TMPRSS15: variants seen among roughly 807,000 people sequenced by gnomAD.
The protein encoded by TMPRSS15 is transmembrane serine protease 15, also known as enteropeptidase.
A neutral mutation model predicts 125.3 loss-of-function variants in TMPRSS15; 128 were observed. The observed-to-expected ratio is 1.02, with a 90% confidence interval of 0.89 to 1.18. TMPRSS15 has a LOEUF of 1.18. Ranked by LOEUF, TMPRSS15 falls within the 50% of genes most tolerant of loss-of-function variation. TMPRSS15 has a pLI of 0.00. For missense variants in TMPRSS15, 1,283 were observed against 1,212.7 expected (o/e 1.06, Z -0.86); for synonymous variants, 446 against 423.2 (o/e 1.05, Z -0.66).
upstream of TMPRSS15, among the ~76,000 whole-genome samples, chr21:18,406,226 C>T (rs1025168488): frequency 2.6e-5 from 4 of 151,972 alleles, no homozygotes; most frequent in Admixed American, 1.3e-4. Flanking sequence ...ACAGTGGGAA[C>T]GCGTGTCAGA....
At chr21:18,417,148 A>G (rs2076182357) in intron 1 of TMPRSS15, among the ~76,000 whole-genome samples, 1 of 152,148 alleles carries the variant, frequency 6.6e-6, no homozygotes, top group African/African-American at 2.4e-5. Flanking sequence ...TAATTTCAAG[A>G]TTTTGGAGTA....
chr21:18,316,429 G>C (rs1483177231), intron 16 of TMPRSS15, among the ~76,000 whole-genome samples: 1 of 152,204 alleles, frequency 6.6e-6, no homozygotes, highest in Non-Finnish European at 1.5e-5. Context: ...TTGTCTGTTG[G>C]TGAGATCAAA....
rs201846019 is a variant in TMPRSS15 at position 18,275,371 on chromosome 21, A to T, written c.2765-35T>A. ...ATGGAGAATGCAGCCAGCCAGTCAGAAGTGATCAACATGCATCCTTGAATG... is the reference window on the plus strand; with the variant it reads ...ATGGAGAATGCAGCCAGCCAGTCAGTAGTGATCAACATGCATCCTTGAATG... On this transcript the variant is annotated intron_variant, in intron 23 of 24. Coordinates refer to ENST00000284885, the MANE Select transcript of TMPRSS15 (RefSeq NM_002772.3). 4.6e-5 allele frequency: 74 copies of T among 1,612,756 alleles called. No homozygotes were observed. The East Asian group carries it at 1.6e-3, about 35-fold the overall frequency.
chr21:18,271,779 C>A (rs1438283967), intron 24 of TMPRSS15, among the ~76,000 whole-genome samples: 2 of 151,988 alleles, frequency 1.3e-5, no homozygotes, highest in Admixed American at 1.3e-4. Context: ...TGTCCTGTGT[C>A]CATGTGTTCT....
At chr21:18,425,862 C>T (rs1217137456) in intron 1 of TMPRSS15, among the ~76,000 whole-genome samples, 5 of 152,090 alleles carry the variant, frequency 3.3e-5, no homozygotes, top group African/African-American at 9.7e-5. Flanking sequence ...GTAAAAAACC[C>T]TTAATAACCT....
rs531680824 is a variant in TMPRSS15 at position 18,419,265 on chromosome 21, A to G, written c.11-20936T>C. Among the ~76,000 whole-genome samples, 292 of 115,710 alleles carry G rather than the reference A, an allele frequency of 2.5e-3. 4 individuals carry two copies. In the South Asian group the frequency reaches 0.041, roughly 16 times the overall value. 75.9% of individuals were successfully genotyped at this position (115,710 alleles called of 152,430 possible). A position where few individuals can be genotyped will look rare whatever the true frequency, so the allele number is the denominator to read the frequency against. On this transcript the variant is annotated intron_variant, in intron 1 of 7. Coordinates refer to the TMPRSS15 transcript ENST00000422787. The stretch of plus-strand genomic sequence containing the variant: ...TTTTGAGACGGAGTCTCGCTCTGTT[A>G]CCCAGGCTGGAGTGCAGTGGTGCTA...
At chr21:18,318,553 G>A (rs2075198476) in intron 16 of TMPRSS15, among the ~76,000 whole-genome samples, 1 of 152,194 alleles carries the variant, frequency 6.6e-6, no homozygotes. Context: ...CAAGGTCTGT[G>A]CCTGAGTTGA....
intron 1 of TMPRSS15, among the ~76,000 whole-genome samples, chr21:18,480,541 G>A (rs1978963806): frequency 6.6e-6 from 1 of 151,806 alleles, no homozygotes; most frequent in Non-Finnish European, 1.5e-5. Context: ...AGTTTAGTTT[G>A]TAAGTAAAGA....
rs780145847 is a variant in TMPRSS15 at position 18,397,965 on chromosome 21, TTGAA to T, written c.277-23_277-20del. 21 of 1,389,964 alleles carry T rather than the reference TTGAA, an allele frequency of 1.5e-5. No homozygotes were observed. Among genetic ancestry groups the T allele is most frequent in the Non-Finnish European group, 2.1e-5 (21 of 997,066 alleles). The allele number at this position is 1,389,964 out of a possible 1,614,324, so 86.1% of individuals were successfully genotyped here. ...CATCTATCTAGAAAAATATAAAAGATTGAATGAGTATACTAAATTTAGGATTTTA... is the reference window on the plus strand; with the variant it reads ...CATCTATCTAGAAAAATATAAAAGATTGAGTATACTAAATTTAGGATTTTA... On this transcript the variant is annotated intron_variant, in intron 2 of 24. Coordinates refer to ENST00000284885, the MANE Select transcript of TMPRSS15 (RefSeq NM_002772.3).
chr21:18,454,515 C>A (rs1338750898), intron 1 of TMPRSS15, among the ~76,000 whole-genome samples: 1 of 151,960 alleles, frequency 6.6e-6, no homozygotes, highest in Non-Finnish European at 1.5e-5. Context: ...ACTGGAGAAC[C>A]AGGAAAGCCA....
chr21:18,345,641 T>C (rs1030506427), intron 10 of TMPRSS15, among the ~76,000 whole-genome samples: 2 of 139,836 alleles, frequency 1.4e-5, no homozygotes, highest in African/African-American at 5.3e-5. Context: ...CTCGGGACAC[T>C]GAGGCAGGAG....
intron 13 of TMPRSS15, among the ~76,000 whole-genome samples, chr21:18,339,013 C>T (rs2075421560): frequency 6.6e-6 from 1 of 151,696 alleles, no homozygotes; most frequent in African/African-American, 2.4e-5. Context: ...TTTTTTTCTC[C>T]AAAGTCCTCT....
intron 4 of TMPRSS15, among the ~76,000 whole-genome samples, chr21:18,381,250 T>G (rs2075890313): frequency 6.6e-6 from 1 of 152,150 alleles, no homozygotes; most frequent in South Asian, 2.1e-4. Context: ...CAGCATTTCA[T>G]CATTTTTGAA....
At chr21:18,371,775 T>C (rs994689429) in intron 6 of TMPRSS15, among the ~76,000 whole-genome samples, 2 of 151,996 alleles carry the variant, frequency 1.3e-5, no homozygotes, top group African/African-American at 4.8e-5. Flanking sequence ...ACTGATATGA[T>C]AGTGAAAAAA....
At chr21:18,358,017 A>G (rs1193699871) in intron 8 of TMPRSS15, among the ~76,000 whole-genome samples, 4 of 151,840 alleles carry the variant, frequency 2.6e-5, no homozygotes, top group African/African-American at 9.7e-5. Flanking sequence ...CTATTATAAT[A>G]TAACTACATA....
intron 1 of TMPRSS15, among the ~76,000 whole-genome samples, chr21:18,449,675 C>T (rs1458443856): frequency 6.6e-6 from 1 of 151,946 alleles, no homozygotes; most frequent in Non-Finnish European, 1.5e-5. Context: ...CAGTACCTAC[C>T]ACATCTTATT....
intron 1 of TMPRSS15, among the ~76,000 whole-genome samples, chr21:18,420,078 G>T (rs780613534): frequency 2.6e-5 from 4 of 152,182 alleles, no homozygotes; most frequent in Non-Finnish European, 5.9e-5. Flanking sequence ...TTAAAAATAT[G>T]TATAGGAAAA....
intron 1 of TMPRSS15, among the ~76,000 whole-genome samples, chr21:18,470,632 T>G (rs1436605152): frequency 1.3e-5 from 2 of 152,220 alleles, no homozygotes; most frequent in East Asian, 3.9e-4. Flanking sequence ...CTCAGTTGAG[T>G]TGCACAGACT....
intron 10 of TMPRSS15, among the ~76,000 whole-genome samples, chr21:18,346,608 A>G (rs2075511533): frequency 1.3e-5 from 2 of 152,170 alleles, no homozygotes; most frequent in African/African-American, 4.8e-5. Context: ...CTGTACATTC[A>G]GTTGCTTCCA....
Sources: gnomAD v4.1 joint callset for allele counts (sites outside exome capture counted in the v4.1 genomes callset) on GRCh38, gnomAD v4.1.1 for gene constraint, MANE v1.5 for transcripts, NCBI Gene and HGNC (gene_info 2026-07-23, HGNC 2026-07-21) for gene names.